The following MAP7D3 variants were observed in gnomAD, a reference collection of about 807,000 sequenced individuals.
MAP7D3 encodes MAP7 domain-containing protein 3.
MAP7D3 carries 45 observed loss-of-function variants against 62.2 expected under a neutral mutation model. The observed-to-expected ratio is 0.72, with a 90% confidence interval of 0.57 to 0.93. The LOEUF (loss-of-function observed/expected upper bound fraction) is 0.93. Among genes scored for constraint, MAP7D3 ranks in the 40% least tolerant of loss-of-function variants. The pLI is 0.00. For missense variants in MAP7D3, 711 were observed against 683.1 expected, an observed-to-expected ratio of 1.04 and a Z score of -0.45; for synonymous variants, 288 against 248.8, an observed-to-expected ratio of 1.16 and a Z score of -1.48.
intron 16 of MAP7D3, 75 bp downstream of exon 16, chrX:136,220,690 T>C: frequency 1.2e-6 from 1 of 860,031 alleles, no homozygotes; most frequent in Non-Finnish European, 1.7e-6. Context: ...CAAGAGATCA[T>C]ATTTATCTAG....
chrX:136,242,202 ATATTTTC>A (rs769542505), intron 4 of MAP7D3, among the ~76,000 whole-genome samples: 1 of 112,723 alleles, frequency 8.9e-6, no homozygotes, highest in Non-Finnish European at 1.9e-5. Flanking sequence ...TTTGAAAATT[ATATTTTC>A]TAACAGAAAG....
At chrX:136,216,387 AAAGAG>A (rs1464243947), downstream of MAP7D3, among the ~76,000 whole-genome samples, 1 of 105,750 alleles carries the variant, frequency 9.5e-6, no homozygotes, top group Non-Finnish European at 1.9e-5. Context: ...AAAAAGAAAA[AAAGAG>A]AAGAAGAAAG....
chrX:136,238,369 T>C (rs1369238366), intron 6 of MAP7D3, among the ~76,000 whole-genome samples: 3 of 112,135 alleles, frequency 2.7e-5, no homozygotes, highest in Non-Finnish European at 5.6e-5. Flanking sequence ...GTCTATGAGA[T>C]AAATCTTTGC....
At chrX:136,229,991 A>ATTTTTT (rs1458959720) in intron 10 of MAP7D3, among the ~76,000 whole-genome samples, 1 of 50,961 alleles carries the variant, frequency 2.0e-5, no homozygotes, top group African/African-American at 8.2e-5. Flanking sequence ...ATATATATAT[A>ATTTTTT]TATTTTTTTT....
At chrX:136,242,044 C>T (rs1175739000) in intron 4 of MAP7D3, among the ~76,000 whole-genome samples, 3 of 111,159 alleles carry the variant, frequency 2.7e-5, no homozygotes, top group Admixed American at 9.6e-5. Context: ...TAACAACAAC[C>T]GTTTCATAGC....
At chrX:136,232,273 G>T in intron 7 of MAP7D3, 53 bp from the exon 8 acceptor site, 1 of 829,503 alleles carries the variant, frequency 1.2e-6, no homozygotes. Context: ...GACAAGAAAA[G>T]GATGCACCAG....
At chrX:136,246,448 T>C in intron 1 of MAP7D3, 107 bp from the exon 2 acceptor site, 1 of 514,600 alleles carries the variant, frequency 1.9e-6, no homozygotes, top group Non-Finnish European at 3.3e-6. Flanking sequence ...ATAGGATCAC[T>C]TCTATAAATC....
At chrX:136,235,120 G>A (rs1434923619) in intron 7 of MAP7D3, among the ~76,000 whole-genome samples, 1 of 112,204 alleles carries the variant, frequency 8.9e-6, no homozygotes. Flanking sequence ...ATTTATGGAG[G>A]AACTCACACT....
chrX:136,213,844 T>C (rs1210832869), downstream of MAP7D3: 2 of 112,209 alleles, frequency 1.8e-5, no homozygotes, highest in Admixed American at 9.4e-5. Context: ...GTTGTGAGCA[T>C]TGAAAATGCC....
chrX:136,219,490 T>C lies in MAP7D3; in HGVS notation c.2571A>G (p.Gln857=). The C allele has an allele frequency of 1.7e-6, 2 of 1,205,305 alleles. No individual in the cohort carries two copies. The highest frequency in any genetic ancestry group is 2.2e-6 in the Non-Finnish European group (2 of 889,565). ...ETNTTSRSSA[Q]TKSEGFHDIL... is the part of the protein sequence containing the mutation. ...TGTCATGGAATCCTTCAGATTTTGT[T>C]TGTGCCTGTCAGGAGAAAAATGTGA... The change falls in exon 18 of 19, where the codon CAA becomes CAG. Residue 857 remains glutamine, a synonymous_variant. Transcript: ENST00000316077.
Position 136,220,895 on chromosome X carries a change from G to A in MAP7D3, c.2356C>T (p.His786Tyr). 8.3e-7 allele frequency: 1 copy of A among 1,207,999 alleles called. No homozygotes were observed. ...CCATCTTCTAGAAATACCAGCTTGT[G>A]TGTCATTTTCTTGGCATTGTTGAAC... ...MPFNNAKKMT[H>Y]KLVFLEDGTS... is the part of the protein sequence containing the mutation. Residue 786 changes from histidine to tyrosine, a missense_variant, in exon 16 of 19, where the codon CAC (histidine) becomes TAC (tyrosine). By Grantham distance (83) the His-to-Tyr change is moderately conservative (BLOSUM62 2). Transcript: ENST00000316077.
Position 136,244,582 on chromosome X carries a change from C to T in MAP7D3, c.417+50G>A, listed in dbSNP as rs181916684. The T allele has an allele frequency of 1.4e-5, 16 of 1,121,916 alleles. No individual in the cohort carries two copies. The East Asian group carries it at 3.9e-4, about 27-fold the overall frequency. 92.5% of individuals were successfully genotyped at this position (1,121,916 alleles called of 1,213,427 possible). On this transcript the variant is annotated intron_variant, in intron 4 of 18. Coordinates refer to ENST00000316077, the MANE Select transcript of MAP7D3 (RefSeq NM_024597.4). ...AGGCCTGAGAAAACAATATTCTAGA[C>T]TCAGGCAACACAGTTTATCCTCTCA...
Position 136,220,867 on chromosome X carries a change from G to C in MAP7D3, c.2384C>G (p.Thr795Ser). ...THKLVFLEDG[T>S]SQVRKEPKTY... ...TTTTGGCTCTTTACGGACCTGGCTGGTACCATCTTCTAGAAATACCAGCTT... is the reference window on the plus strand; with the variant it reads ...TTTTGGCTCTTTACGGACCTGGCTGCTACCATCTTCTAGAAATACCAGCTT... Residue 795 changes from threonine (T) to serine (S), a missense_variant, in exon 16 of 19, where the codon ACC (threonine) becomes AGC (serine). Transcript: ENST00000316077. The C allele has an allele frequency of 8.3e-7, 1 of 1,204,982 alleles. No individual in the cohort carries two copies. Among genetic ancestry groups the C allele is most frequent in the Non-Finnish European group, 1.1e-6 (1 of 889,389 alleles).
Position 136,220,907 on chromosome X carries a change from T to C in MAP7D3, c.2344A>G (p.Lys782Glu). ...AATACCAGCTTGTGTGTCATTTTCT[T>C]GGCATTGTTGAACGGCATTTTAAAT... ...TKFKMPFNNA[K>E]KMTHKLVFLE... is the part of the protein sequence containing the mutation. The change falls in exon 16 of 19, where the codon AAG (lysine) becomes GAG (glutamate). Residue 782 changes from lysine to glutamate, a missense_variant. Lys to Glu is a moderately conservative substitution (Grantham distance 56, BLOSUM62 1). Coordinates refer to ENST00000316077, the MANE Select transcript of MAP7D3 (RefSeq NM_024597.4). The C allele has an allele frequency of 8.3e-7, 1 of 1,209,999 alleles. No individual in the cohort carries two copies. Among genetic ancestry groups the C allele is most frequent in the Non-Finnish European group, 1.1e-6 (1 of 893,597 alleles).
rs186642393 is a variant in MAP7D3 at position 136,221,528 on chromosome X, T to C, written c.2288-565A>G. On this transcript the variant is annotated intron_variant, in intron 15 of 18. Coordinates refer to ENST00000316077, the MANE Select transcript of MAP7D3 (RefSeq NM_024597.4). Reference sequence around the variant, plus strand: ...TTTTAGTAGAGACGGGGTTTCACCGTGTTAGCCAGGATGGTCTCGATTTCC... The same window carrying C: ...TTTTAGTAGAGACGGGGTTTCACCGCGTTAGCCAGGATGGTCTCGATTTCC... 7.6e-3 allele frequency among the ~76,000 whole-genome samples: 854 copies of C among 111,706 alleles called. 1 individual carries two copies. Among genetic ancestry groups the C allele is most frequent in the Non-Finnish European group, 0.014 (733 of 53,110 alleles).
At chrX:136,256,261 T>C (rs2074550812), upstream of MAP7D3, 3 of 1,153,574 alleles carry the variant, frequency 2.6e-6, no homozygotes, top group Non-Finnish European at 3.4e-6. Flanking sequence ...TTCCTTCCTT[T>C]TCCCACATCT....
chrX:136,215,095 A>G (rs1311549750), downstream of MAP7D3: 1 of 111,967 alleles, frequency 8.9e-6, no homozygotes, highest in African/African-American at 3.3e-5. Flanking sequence ...TCAGTGGGGA[A>G]TGGCTACCAC....
At chrX:136,216,121 A>T (rs749533745), downstream of MAP7D3, among the ~76,000 whole-genome samples, 74 of 110,773 alleles carry the variant, frequency 6.7e-4, no homozygotes, top group Non-Finnish European at 8.9e-4. Context: ...TATTTTTTTT[A>T]AAAAAATCAA....
At chrX:136,231,018 G>T in intron 8 of MAP7D3, 52 bp from the exon 9 acceptor site, 2 of 951,927 alleles carry the variant, frequency 2.1e-6, no homozygotes, top group South Asian at 3.0e-5. Flanking sequence ...TTCTTTTACT[G>T]CAGCTGGCTT....
Sources: gnomAD v4.1 joint callset for allele counts (sites outside exome capture counted in the v4.1 genomes callset) on GRCh38, gnomAD v4.1.1 for gene constraint, MANE v1.5 for transcripts, NCBI Gene and HGNC (gene_info 2026-07-23, HGNC 2026-07-21) for gene names.